Variants in MUC21 observed in about 807,000 individuals in gnomAD.
MUC21 encodes the protein mucin 21, cell surface associated.
In MUC21, 8 loss-of-function variants were observed where a neutral mutation model predicts 9.1. The ratio of observed to expected loss-of-function variants is 0.88; its 90% CI spans 0.52 to 1.59. The LOEUF is 1.59. Ranked by LOEUF, MUC21 falls within the 40% of genes most tolerant of loss-of-function variation. The pLI, the probability that MUC21 is intolerant of heterozygous loss-of-function variation, is 0.00. For missense variants in MUC21, 478 were observed against 694.2 expected (o/e 0.69, Z 3.50); for synonymous variants, 189 against 275.2 (o/e 0.69, Z 3.10).
Position 30,989,217 on chromosome 6 carries a change from C to A in MUC21, c.*1023C>A, listed in dbSNP as rs1333556315. The A allele has an allele frequency of 3.3e-5, 5 of 152,244 alleles. No homozygotes were observed. The highest frequency in any genetic ancestry group is 7.3e-5 in the Non-Finnish European group (5 of 68,064). 9.4% of individuals were successfully genotyped at this position (152,244 alleles called of 1,614,324 possible). ...GCAGTAGAAACTGCTCCATCTTCCA[C>A]CACTTATTGGGTTTCTCCAGTGTCA... On this transcript the variant is annotated 3_prime_UTR_variant, in exon 3 of 3. Transcript: ENST00000376296.
At position 30,983,979 on chromosome 6, in the gene MUC21, T is replaced by C. The variant is rs1305746046; in HGVS notation, c.21T>C (p.Asn7=). 2.6e-5 allele frequency: 20 copies of C among 779,742 alleles called. No homozygotes were observed. Among genetic ancestry groups the C allele is most frequent in the Non-Finnish European group, 4.8e-5 (20 of 418,088 alleles). The allele number at this position is 779,742 out of a possible 1,614,324, so 48.3% of individuals were successfully genotyped here. Residue 7 remains asparagine, a synonymous_variant, in exon 1 of 3, where the codon AAT becomes AAC. Transcript: ENST00000376296. MKMQKG[N]VLLMFGLLLH... is the part of the protein sequence containing the mutation. ...GACAGATGAAGATGCAGAAAGGAAATGTTCTCCTTATGTTTGGTCTACTAT... is the reference window on the plus strand; with the variant it reads ...GACAGATGAAGATGCAGAAAGGAAACGTTCTCCTTATGTTTGGTCTACTAT...
At chr6:30,985,727 G>A (rs1036920311) in intron 1 of MUC21, among the ~76,000 whole-genome samples, 2 of 152,210 alleles carry the variant, frequency 1.3e-5, no homozygotes, top group African/African-American at 2.4e-5. Context: ...CCTGGGTTCA[G>A]TTTCCTGTTC....
chr6:30,986,692 A>C lies in MUC21; in HGVS notation c.517A>C (p.Thr173Pro), dbSNP rs776158024. 344 of 1,513,860 alleles carry C rather than the reference A, an allele frequency of 2.3e-4. No homozygotes were observed. Among genetic ancestry groups the C allele is most frequent in the Middle Eastern group, 5.3e-4 (3 of 5,680 alleles). The allele number at this position is 1,513,860 out of a possible 1,614,324, so 93.8% of individuals were successfully genotyped here. ...STATNSESST[T>P]SSGASTATNS... is the part of the protein sequence containing the mutation. Reference sequence around the variant, plus strand: ...AGCCACCAACTCTGAGTCCAGCACAACCTCCAGTGGGGCCAGCACAGCCAC... The same window carrying C: ...AGCCACCAACTCTGAGTCCAGCACACCCTCCAGTGGGGCCAGCACAGCCAC... Residue 173 changes from threonine (T) to proline (P), a missense_variant, in exon 2 of 3, where the codon ACC becomes CCC. Physicochemically the swap from Thr to Pro is conservative, Grantham distance 38. Coordinates refer to ENST00000376296, the MANE Select transcript of MUC21 (RefSeq NM_001010909.5).
chr6:30,986,669 C>G lies in MUC21; in HGVS notation c.494C>G (p.Ala165Gly), dbSNP rs139177573. 1.3e-6 allele frequency: 2 copies of G among 1,519,596 alleles called. No homozygotes were observed. The highest frequency in any genetic ancestry group is 8.9e-7 in the Non-Finnish European group (1 of 1,128,582). The allele number at this position is 1,519,596 out of a possible 1,614,324, so 94.1% of individuals were successfully genotyped here. ...ACAACCTCCAGTGAGGCCAGCACAGCCACCAACTCTGAGTCCAGCACAACC... is the reference window on the plus strand; with the variant it reads ...ACAACCTCCAGTGAGGCCAGCACAGGCACCAACTCTGAGTCCAGCACAACC... ...SSTTSSEAST[A>G]TNSESSTTSS... is the part of the protein sequence containing the mutation. The change falls in exon 2 of 3, where the codon GCC (alanine) becomes GGC (glycine). Residue 165 changes from alanine to glycine, a missense_variant. Physicochemically the swap from Ala to Gly is moderately conservative, Grantham distance 60 (BLOSUM62 0). Coordinates refer to ENST00000376296, the MANE Select transcript of MUC21 (RefSeq NM_001010909.5).
chr6:30,986,852 C>A lies in MUC21; in HGVS notation c.677C>A (p.Thr226Asn). Reference sequence around the variant, plus strand: ...ACCTCCAATGGGGCTGGCACAGCCACCAACTCTGAGTCCAGCACGACCTCC... The same window carrying A: ...ACCTCCAATGGGGCTGGCACAGCCAACAACTCTGAGTCCAGCACGACCTCC... Reference protein sequence around the residue: ...RTTSNGAGTATNSESSTTSSG... With the variant: ...RTTSNGAGTANNSESSTTSSG... Residue 226 changes from threonine to asparagine, a missense_variant, in exon 2 of 3, where the codon ACC (threonine) becomes AAC (asparagine). Around this residue, in one of 5 missense-constraint regions of MUC21, gnomAD observed 155 missense variants for 235.2 expected, o/e 0.66. Transcript: ENST00000376296. 2.5e-6 allele frequency: 4 copies of A among 1,590,438 alleles called. No individual in the cohort carries two copies. The highest frequency in any genetic ancestry group is 2.3e-5 in the East Asian group (1 of 42,938).
chr6:30,986,969 G>T lies in MUC21; in HGVS notation c.794G>T (p.Ser265Ile), dbSNP rs142223266. The change falls in exon 2 of 3, where the codon AGT becomes ATT. Residue 265 changes from serine (S) to isoleucine (I), a missense_variant. Ser to Ile is a moderately radical substitution (Grantham distance 142). Coordinates refer to ENST00000376296, the MANE Select transcript of MUC21 (RefSeq NM_001010909.5). ...AACTCTGAGTCCAGCACGACCTCCA[G>T]TGGGGCCGGCACAGCCACCAACTCT... Reference protein sequence around the residue: ...ATNSESSTTSSGAGTATNSES... With the variant: ...ATNSESSTTSIGAGTATNSES... 633 of 1,578,360 alleles carry T rather than the reference G, an allele frequency of 4.0e-4. 22 individuals carry two copies. In the African/African-American group the frequency reaches 6.3e-3, roughly 16 times the overall value.
At position 30,988,474 on chromosome 6, in the gene MUC21, C is replaced by T. The variant is rs1208160511; in HGVS notation, c.*280C>T. 7.5e-6 allele frequency: 3 copies of T among 398,708 alleles called. No homozygotes were observed. The highest frequency in any genetic ancestry group is 1.3e-5 in the Non-Finnish European group (3 of 227,634). The allele number at this position is 398,708 out of a possible 1,614,324, so 24.7% of individuals were successfully genotyped here. On this transcript the variant is annotated 3_prime_UTR_variant, in exon 3 of 3. Transcript: ENST00000376296. ...TGGGTATCTAGCTCTGAGATGAACT[C>T]AGTTATAGGAGAAAACCTCCATGCT... is the stretch of plus-strand genomic sequence containing the variant.
In MUC21 at chr6:30,988,034, C is replaced by T. The variant is rs1762460180; in HGVS notation, c.1541C>T (p.Thr514Ile). 1.5e-6 allele frequency: 2 copies of T among 1,370,346 alleles called. No individual in the cohort carries two copies. The highest frequency in any genetic ancestry group is 1.4e-5 in the African/African-American group (1 of 70,050). 84.9% of individuals were successfully genotyped at this position (1,370,346 alleles called of 1,614,324 possible). ...CTGTCCCTGAGAAACACCTTTAACA[C>T]AGCTGTCTACCACCCTCATGGCCTC... Reference protein sequence around the residue: ...NSLSLRNTFNTAVYHPHGLNH... With the variant: ...NSLSLRNTFNIAVYHPHGLNH... Residue 514 changes from threonine to isoleucine, a missense_variant, in exon 3 of 3, where the codon ACA becomes ATA. By Grantham distance (89) the Thr-to-Ile change is moderately conservative. This residue lies in a region of MUC21 where 158 missense variants were observed against 192.6 expected (regional missense o/e 0.82). Transcript: ENST00000376296.
At position 30,988,044 on chromosome 6, in the gene MUC21, C is replaced by A; in HGVS notation, c.1551C>A (p.Tyr517Ter). 1.4e-6 allele frequency: 2 copies of A among 1,454,272 alleles called. No homozygotes were observed. The highest frequency in any genetic ancestry group is 1.9e-6 in the Non-Finnish European group (2 of 1,035,242). The allele number at this position is 1,454,272 out of a possible 1,614,324, so 90.1% of individuals were successfully genotyped here. A position where few individuals can be genotyped will look rare whatever the true frequency, so the allele number is the denominator to read the frequency against. ...GAAACACCTTTAACACAGCTGTCTA[C>A]CACCCTCATGGCCTCAACCATGGCC... ...SLRNTFNTAVYHPHGLNHGLG... is the reference protein window; with the variant it reads ...SLRNTFNTAV Residue 517 changes from tyrosine to a stop codon, truncating the protein, a stop_gained, in exon 3 of 3, where the codon TAC (tyrosine) becomes TAA (stop). Coordinates refer to ENST00000376296, the MANE Select transcript of MUC21 (RefSeq NM_001010909.5). LOFTEE classifies it low-confidence loss of function (END_TRUNC).
rs1762366905 is a variant in MUC21 at position 30,987,095 on chromosome 6, C to CAACCTCCA, written c.920_921insAACCTCCA (p.Ser310ArgfsTer136). 6.4e-7 allele frequency: 1 copy of CAACCTCCA among 1,570,826 alleles called. No homozygotes were observed. The highest frequency in any genetic ancestry group is 1.4e-5 in the African/African-American group (1 of 71,208). ...ACAGCCACCAACTCTGAGTCCAGTA[C>CAACCTCCA]GACCTCCAGTGGGGCCAACACAGCC... On this transcript the variant is annotated frameshift_variant, in exon 2 of 3. Coordinates refer to ENST00000376296, the MANE Select transcript of MUC21 (RefSeq NM_001010909.5). LOFTEE classifies it high-confidence loss of function.
Position 30,986,509 on chromosome 6 carries a change from ACAACCTC to A in MUC21, c.337_343del (p.Thr113ValfsTer328), listed in dbSNP as rs1762268281. 1 of 1,602,622 alleles carries A rather than the reference ACAACCTC, an allele frequency of 6.2e-7. No homozygotes were observed. Among genetic ancestry groups the A allele is most frequent in the African/African-American group, 1.4e-5 (1 of 73,690 alleles). Reference sequence around the variant, plus strand: ...CATAGCCACCAACTCTGAGTCCAGCACAACCTCCAGTGGGGCCAGCACAGCCACCAAC... The same window carrying A: ...CATAGCCACCAACTCTGAGTCCAGCACAGTGGGGCCAGCACAGCCACCAAC... On this transcript the variant is annotated frameshift_variant, in exon 2 of 3. Coordinates refer to ENST00000376296, the MANE Select transcript of MUC21 (RefSeq NM_001010909.5). LOFTEE classifies it high-confidence loss of function.
intron 1 of MUC21, 189 bp downstream of exon 1, chr6:30,984,208 C>G (rs1762156688): frequency 1.1e-5 from 6 of 540,962 alleles, no homozygotes; most frequent in Non-Finnish European, 2.0e-5. Flanking sequence ...AAATTGGGCT[C>G]TGGTCTCACA....
chr6:30,988,509 C>A lies in MUC21; in HGVS notation c.*315C>A. On this transcript the variant is annotated 3_prime_UTR_variant, in exon 3 of 3. Transcript: ENST00000376296. ...AGAAAACCTCCATGCTGGACTCCAT[C>A]TGGCATTCAAAATCTCCACAGTAAA... 3.2e-6 allele frequency: 1 copy of A among 311,226 alleles called. No individual in the cohort carries two copies. Among genetic ancestry groups the A allele is most frequent in the Non-Finnish European group, 5.8e-6 (1 of 172,774 alleles). The allele number at this position is 311,226 out of a possible 1,614,324, so 19.3% of individuals were successfully genotyped here. A position where few individuals can be genotyped will look rare whatever the true frequency, so the allele number is the denominator to read the frequency against.
rs41288669 is a variant in MUC21, at chr6:30,987,099, C to T, written c.924C>T (p.Thr308=). 2,230 of 1,572,238 alleles carry T rather than the reference C, an allele frequency of 1.4e-3. 5 individuals carry two copies. Among genetic ancestry groups the T allele is most frequent in the Non-Finnish European group, 1.6e-3 (1,896 of 1,151,724 alleles). Residue 308 remains threonine, a synonymous_variant, in exon 2 of 3, where the codon ACC becomes ACT. Transcript: ENST00000376296. ...CCACCAACTCTGAGTCCAGTACGAC[C>T]TCCAGTGGGGCCAACACAGCCACCA... ...NTATNSESST[T]SSGANTATNS...
chr6:30,987,043 T>C lies in MUC21; in HGVS notation c.868T>C (p.Ser290Pro), dbSNP rs1762359202. ...SGISTVTNSESSTPSSGANTA... is the reference protein window; with the variant it reads ...SGISTVTNSEPSTPSSGANTA... Reference sequence around the variant, plus strand: ...GATCAGCACAGTCACCAATTCTGAGTCCAGCACACCCTCCAGTGGGGCCAA... The same window carrying C: ...GATCAGCACAGTCACCAATTCTGAGCCCAGCACACCCTCCAGTGGGGCCAA... Residue 290 changes from serine (S) to proline (P), a missense_variant, in exon 2 of 3, where the codon TCC (serine) becomes CCC (proline). Ser to Pro is a moderately conservative substitution (Grantham distance 74). This residue lies in a region of MUC21 where 155 missense variants were observed against 235.2 expected (regional missense o/e 0.66). Coordinates refer to ENST00000376296, the MANE Select transcript of MUC21 (RefSeq NM_001010909.5). 1.9e-6 allele frequency: 3 copies of C among 1,602,646 alleles called. No individual in the cohort carries two copies. Among genetic ancestry groups the C allele is most frequent in the Non-Finnish European group, 1.7e-6 (2 of 1,174,492 alleles).
In MUC21 at chr6:30,987,419, G is replaced by C; in HGVS notation, c.1244G>C (p.Ser415Thr). The C allele has an allele frequency of 6.3e-7, 1 of 1,599,104 alleles. No individual in the cohort carries two copies. Among genetic ancestry groups the C allele is most frequent in the East Asian group, 2.3e-5 (1 of 43,676 alleles). The change falls in exon 2 of 3, where the codon AGT (serine) becomes ACT (threonine). Residue 415 changes from serine to threonine, a missense_variant. By Grantham distance (58) the Ser-to-Thr change is moderately conservative. Transcript: ENST00000376296. The part of the protein sequence containing the change: ...ATNSESSTVS[S>T]GASTATNSES... ...AACTCTGAGTCCAGCACAGTGTCCA[G>C]TGGGGCCAGCACTGCCACCAATTCT...
chr6:30,987,291 C>G lies in MUC21; in HGVS notation c.1116C>G (p.Thr372=), dbSNP rs751740424. The change falls in exon 2 of 3, where the codon ACC becomes ACG. Residue 372 remains threonine, a synonymous_variant. Transcript: ENST00000376296. ...NSGSSTTSSG[T]STATNSESST... ...GGTCCAGCACGACCTCCAGTGGGAC[C>G]AGCACAGCCACCAACTCTGAGTCCA... The G allele has an allele frequency of 7.7e-6, 12 of 1,560,042 alleles. 2 individuals are homozygous for G. Among genetic ancestry groups the G allele is most frequent in the African/African-American group, 7.2e-5 (5 of 69,632 alleles).
At position 30,988,575 on chromosome 6, in the gene MUC21, A is replaced by C. The variant is rs1762489522; in HGVS notation, c.*381A>C. 5.2e-6 allele frequency: 1 copy of C among 192,498 alleles called. No individual in the cohort carries two copies. The highest frequency in any genetic ancestry group is 6.0e-5 in the Admixed American group (1 of 16,714). 11.9% of individuals were successfully genotyped at this position (192,498 alleles called of 1,614,324 possible). A position where few individuals can be genotyped will look rare whatever the true frequency, so the allele number is the denominator to read the frequency against. On this transcript the variant is annotated 3_prime_UTR_variant, in exon 3 of 3. Coordinates refer to ENST00000376296, the MANE Select transcript of MUC21 (RefSeq NM_001010909.5). ...TCTTATCTGTGTGTCTGCATTTTCT[A>C]ATCCTTTTTGCCCCAGGCAAGGTCC...
chr6:30,988,942 C>G lies in MUC21; in HGVS notation c.*748C>G, dbSNP rs927636937. 1 of 152,152 alleles carries G rather than the reference C, an allele frequency of 6.6e-6. No individual in the cohort carries two copies. The highest frequency in any genetic ancestry group is 1.5e-5 in the Non-Finnish European group (1 of 68,046). 9.4% of individuals were successfully genotyped at this position (152,152 alleles called of 1,614,324 possible). Reference sequence around the variant, plus strand: ...GTTTCCCAAGGGAAAGACTTTCTGGCCTGCTGAGGTCGAATCTTCCAAGAG... The same window carrying G: ...GTTTCCCAAGGGAAAGACTTTCTGGGCTGCTGAGGTCGAATCTTCCAAGAG... On this transcript the variant is annotated 3_prime_UTR_variant, in exon 3 of 3. Transcript: ENST00000376296.
Sources: allele counts gnomAD v4.1 joint callset (sites outside exome capture counted in the v4.1 genomes callset), GRCh38; gene constraint gnomAD v4.1.1; regional missense constraint gnomAD v4.1.1; transcripts MANE v1.5; gene names NCBI Gene and HGNC (gene_info 2026-07-23, HGNC 2026-07-21).